The following DLG2 variants were observed in gnomAD, a reference collection of about 807,000 sequenced individuals.
DLG2 encodes disks large homolog 2.
In DLG2, 45 loss-of-function variants were observed where a neutral mutation model predicts 132.5. The ratio of observed to expected loss-of-function variants is 0.34; its 90% confidence interval spans 0.27 to 0.44. The LOEUF is 0.44. Ranked by LOEUF, DLG2 falls within the 20% of genes least tolerant of loss-of-function variation. DLG2 has a pLI of 1.00. For synonymous variants in DLG2, 424 were observed against 419.6 expected (o/e 1.01, Z -0.13); for missense variants, 1,045 against 1,196.9 (o/e 0.87, Z 1.87).
At position 83,487,542 on chromosome 11, in the gene DLG2, C is replaced by A. The variant is rs11599932; in HGVS notation, c.2194-3314G>T. ...TTGAATTTGCAAATATTCCTGGTTG[C>A]AAATATCACTGTTTTTAAGAGCATG... On this transcript the variant is annotated intron_variant, in intron 21 of 27. Transcript: ENST00000376104. Among the ~76,000 whole-genome samples the A allele has an allele frequency of 2.7e-3, 412 of 152,140 alleles. 1 individual carries two copies. Among genetic ancestry groups the A allele is most frequent in the Middle Eastern group, 6.8e-3 (2 of 294 alleles).
At chr11:84,785,425 A>G (rs964052732) in intron 6 of DLG2, among the ~76,000 whole-genome samples, 3 of 152,132 alleles carry the variant, frequency 2.0e-5, no homozygotes, top group Admixed American at 1.3e-4. Flanking sequence ...GTATACTTCC[A>G]TTAGAAGTCA....
At position 83,786,994 on chromosome 11, in the gene DLG2, T is replaced by G. The variant is rs532617397; in HGVS notation, c.1723-202A>C. 4.6e-5 allele frequency among the ~76,000 whole-genome samples: 7 copies of G among 152,312 alleles called. No individual in the cohort carries two copies. In the South Asian group the frequency reaches 1.5e-3, roughly 32 times the overall value. On this transcript the variant is annotated intron_variant, in intron 17 of 27. Coordinates refer to ENST00000376104, the MANE Select transcript of DLG2 (RefSeq NM_001142699.3). ...GACATTAAATTTCACCTTGTGGTGT[T>G]TGTGCCATGGTCTGACCGGGTTGGA... is the stretch of plus-strand genomic sequence containing the variant.
chr11:84,981,985 G>A (rs985088219), intron 6 of DLG2, among the ~76,000 whole-genome samples: 1 of 151,864 alleles, frequency 6.6e-6, no homozygotes, highest in Non-Finnish European at 1.5e-5. Flanking sequence ...TTTTCTTTTT[G>A]GCAATAAGAA....
intron 19 of DLG2, among the ~76,000 whole-genome samples, chr11:83,629,654 C>T (rs907850918): frequency 6.6e-6 from 1 of 152,230 alleles, no homozygotes; most frequent in South Asian, 2.1e-4. Flanking sequence ...AAGCCTTGTT[C>T]TTTCTTTATT....
At chr11:85,390,229 T>G (rs546147565) in intron 3 of DLG2, among the ~76,000 whole-genome samples, 1 of 151,238 alleles carries the variant, frequency 6.6e-6, no homozygotes, top group African/African-American at 2.4e-5. Flanking sequence ...AAAACACACT[T>G]AAAGCAACAG....
chr11:83,848,924 T>C (rs1363078801), intron 16 of DLG2, among the ~76,000 whole-genome samples: 1 of 152,248 alleles, frequency 6.6e-6, no homozygotes, highest in Non-Finnish European at 1.5e-5. Flanking sequence ...CTGGGCAGTG[T>C]TCCCAGAGCA....
intron 7 of DLG2, among the ~76,000 whole-genome samples, chr11:84,491,797 C>T (rs1046679963): frequency 1.3e-5 from 2 of 152,218 alleles, no homozygotes; most frequent in African/African-American, 2.4e-5. Flanking sequence ...TGCTACATTC[C>T]TCTCTAAAAT....
chr11:84,560,094 T>C (rs529819812), intron 6 of DLG2, among the ~76,000 whole-genome samples: 1 of 152,208 alleles, frequency 6.6e-6, no homozygotes, highest in African/African-American at 2.4e-5. Context: ...TTGCATAATC[T>C]TTTTAGATTC....
chr11:83,866,463 C>G (rs1034426770), intron 16 of DLG2, among the ~76,000 whole-genome samples: 4 of 152,072 alleles, frequency 2.6e-5, no homozygotes, highest in African/African-American at 9.7e-5. Context: ...AGCATATTAA[C>G]TAGCTCTTTA....
At chr11:84,262,736 C>T (rs921937661) in intron 7 of DLG2, among the ~76,000 whole-genome samples, 3 of 152,236 alleles carry the variant, frequency 2.0e-5, no homozygotes, top group South Asian at 2.1e-4. Flanking sequence ...GCCTTTGCAT[C>T]CTCAGAGCTT....
intron 6 of DLG2, among the ~76,000 whole-genome samples, chr11:84,650,893 AT>A (rs1565561698): frequency 1.4e-5 from 2 of 145,302 alleles, no homozygotes; most frequent in African/African-American, 5.0e-5. Flanking sequence ...ATATATATAT[AT>A]ATATATAAAA....
intron 3 of DLG2, among the ~76,000 whole-genome samples, chr11:85,493,987 C>T (rs1341944755): frequency 1.3e-5 from 2 of 152,136 alleles, no homozygotes; most frequent in Admixed American, 6.6e-5. Flanking sequence ...TCCCTTGTTG[C>T]TGCATCCTCT....
intron 14 of DLG2, among the ~76,000 whole-genome samples, chr11:83,934,424 T>C (rs1483135040): frequency 6.6e-6 from 1 of 152,190 alleles, no homozygotes; most frequent in Non-Finnish European, 1.5e-5. Flanking sequence ...TAAAGTATTT[T>C]TGTCTTAATT....
chr11:84,870,615 C>A (rs1314137168), intron 6 of DLG2, among the ~76,000 whole-genome samples: 1 of 152,134 alleles, frequency 6.6e-6, no homozygotes, highest in Non-Finnish European at 1.5e-5. Flanking sequence ...AAGTGAAATG[C>A]CATACAGATA....
At chr11:83,734,362 TC>T (rs1279867565) in intron 18 of DLG2, among the ~76,000 whole-genome samples, 1 of 125,562 alleles carries the variant, frequency 8.0e-6, no homozygotes, top group Non-Finnish European at 1.7e-5. Context: ...CTTCCTTCCT[TC>T]CTTCCTTCCT....
chr11:85,254,381 T>TAA (rs1339776055), intron 4 of DLG2, among the ~76,000 whole-genome samples: 2 of 152,156 alleles, frequency 1.3e-5, no homozygotes, highest in Non-Finnish European at 2.9e-5. Flanking sequence ...TATACACACT[T>TAA]ACCTAGAAAA....
chr11:83,808,069 A>G (rs2046364910), intron 17 of DLG2, among the ~76,000 whole-genome samples: 1 of 152,190 alleles, frequency 6.6e-6, no homozygotes, highest in East Asian at 1.9e-4. Context: ...ATGCCTTCTA[A>G]CAGCAGCCTC....
At chr11:85,170,954 G>A (rs1046122852) in intron 4 of DLG2, among the ~76,000 whole-genome samples, 3 of 151,918 alleles carry the variant, frequency 2.0e-5, no homozygotes, top group African/African-American at 4.8e-5. Flanking sequence ...AAAAACAGGG[G>A]AGAAGGGAAA....
At chr11:85,540,021 G>T (rs573525414) in intron 3 of DLG2, among the ~76,000 whole-genome samples, 35 of 152,284 alleles carry the variant, frequency 2.3e-4, no homozygotes, top group Non-Finnish European at 4.7e-4. Flanking sequence ...CCCTGACCAT[G>T]GGCCCACCTT....
Sources: gnomAD v4.1 joint callset for allele counts (sites outside exome capture counted in the v4.1 genomes callset) on GRCh38, gnomAD v4.1.1 for gene constraint, MANE v1.5 for transcripts, NCBI Gene and HGNC (gene_info 2026-07-23, HGNC 2026-07-21) for gene names.